Variants in ABCC12 observed in about 807,000 individuals in gnomAD.
The protein encoded by ABCC12 is ATP-binding cassette sub-family C member 12.
In ABCC12, 142 loss-of-function variants were observed where a neutral mutation model predicts 151.1. That is an observed-to-expected ratio of 0.94 (90% CI 0.82 to 1.08). The LOEUF (loss-of-function observed/expected upper bound fraction) is 1.08. ABCC12 is among the 50% of genes least tolerant of loss of function. The probability of loss-of-function intolerance (pLI) is 0.00; values close to 1 mark genes in which losing one functional copy is unlikely to be tolerated. For synonymous variants in ABCC12, 645 were observed against 646.4 expected (o/e 1.00, Z 0.03); for missense variants, 1,638 against 1,691.1 (o/e 0.97, Z 0.55).
At chr16:48,095,580 T>A (rs1013706997) in intron 24 of ABCC12, among the ~76,000 whole-genome samples, 2 of 151,684 alleles carry the variant, frequency 1.3e-5, no homozygotes, top group Non-Finnish European at 1.5e-5. Flanking sequence ...AAGGAATAGC[T>A]GAATGGCAAA....
Position 48,082,235 on chromosome 16 carries a change from G to A in ABCC12, c.*1480C>T, listed in dbSNP as rs544923680. On this transcript the variant is annotated 3_prime_UTR_variant, in exon 31 of 31. Coordinates refer to ENST00000311303, the MANE Select transcript of ABCC12 (RefSeq NM_001393797.1). Reference sequence around the variant, plus strand: ...TGAGGGCAGGATCCATTGCTGCCAAGCTGCTGGGCCAGGGCTTTCATGCAG... The same window carrying A: ...TGAGGGCAGGATCCATTGCTGCCAAACTGCTGGGCCAGGGCTTTCATGCAG... Among the ~76,000 whole-genome samples, 2 of 152,336 alleles carry A rather than the reference G, an allele frequency of 1.3e-5. No homozygotes were observed. Among genetic ancestry groups the A allele is most frequent in the South Asian group, 4.1e-4 (2 of 4,826 alleles).
At position 48,111,791 on chromosome 16, in the gene ABCC12, T is replaced by C; in HGVS notation, c.2109A>G (p.Arg703=). The change falls in exon 16 of 31, where the codon CGA becomes CGG. Residue 703 remains arginine, a synonymous_variant. Coordinates refer to ENST00000311303, the MANE Select transcript of ABCC12 (RefSeq NM_001393797.1). ...TGTGAGTTACCTTGAACTGCAATCCTCGCAGGTTGTGAATCAGTTTTGCAT... is the reference window on the plus strand; with the variant it reads ...TGTGAGTTACCTTGAACTGCAATCCCCGCAGGTTGTGAATCAGTTTTGCAT... The part of the protein sequence containing the change: ...GRYAKLIHNL[R]GLQFKDPEHL... The C allele has an allele frequency of 6.2e-7, 1 of 1,614,182 alleles. No homozygotes were observed. Among genetic ancestry groups the C allele is most frequent in the South Asian group, 1.1e-5 (1 of 91,086 alleles).
At chr16:48,146,863 GCACACATGCA>G (rs987815375) in intron 2 of ABCC12, 7 of 200,736 alleles carry the variant, frequency 3.5e-5, no homozygotes, top group Admixed American at 1.1e-4. Context: ...ACATGCACAT[GCACACATGCA>G]CACACATGCA....
chr16:48,140,854 C>T lies in ABCC12; in HGVS notation c.490G>A (p.Gly164Arg). ...RTSGKVWVGI[G>R]LCIALFATEF... is the part of the protein sequence containing the mutation. ...GTGGCAAAAAGGGCTATGCACAGTC[C>T]AATGCCAACCCAGACTTTCCCAGAG... Residue 164 changes from glycine (G) to arginine (R), a missense_variant, in exon 6 of 31, where the codon GGA (glycine) becomes AGA (arginine). By Grantham distance (125) the Gly-to-Arg change is moderately radical. Coordinates refer to ENST00000311303, the MANE Select transcript of ABCC12 (RefSeq NM_001393797.1). 2 of 1,614,132 alleles carry T rather than the reference C, an allele frequency of 1.2e-6. No homozygotes were observed. The highest frequency in any genetic ancestry group is 2.7e-5 in the African/African-American group (2 of 75,032).
chr16:48,088,468 G>T, intron 26 of ABCC12, 77 bp downstream of exon 26: 1 of 1,491,228 alleles, frequency 6.7e-7, no homozygotes, highest in Non-Finnish European at 9.1e-7. Context: ...TCACTCTCTG[G>T]TGTGACTTAA....
At chr16:48,124,387 G>A (rs761430679) in intron 11 of ABCC12, 103 bp from the exon 12 acceptor site, 4 of 1,126,112 alleles carry the variant, frequency 3.6e-6, no homozygotes, top group Non-Finnish European at 5.4e-6. Flanking sequence ...GCCAGGCGGA[G>A]AACAAGGGGT....
At chr16:48,135,253 G>GC (rs1402785726) in intron 8 of ABCC12, among the ~76,000 whole-genome samples, 2 of 152,078 alleles carry the variant, frequency 1.3e-5, no homozygotes, top group Non-Finnish European at 2.9e-5. Context: ...GCAAATAAAG[G>GC]CCCTCCTTTC....
chr16:48,101,537 GT>G (rs1963308390), intron 22 of ABCC12, among the ~76,000 whole-genome samples: 1 of 152,130 alleles, frequency 6.6e-6, no homozygotes, highest in Admixed American at 6.5e-5. Flanking sequence ...AGGAGCCCTG[GT>G]GAGCAGGAGA....
chr16:48,089,585 C>T (rs1962792857), intron 25 of ABCC12, among the ~76,000 whole-genome samples: 1 of 152,190 alleles, frequency 6.6e-6, no homozygotes, highest in Non-Finnish European at 1.5e-5. Context: ...CCGTGTGCCC[C>T]ATCAGGATGG....
chr16:48,117,302 G>A lies in ABCC12; in HGVS notation c.1744C>T (p.Gln582Ter). 6.2e-7 allele frequency: 1 copy of A among 1,613,892 alleles called. No individual in the cohort carries two copies. The highest frequency in any genetic ancestry group is 2.2e-5 in the East Asian group (1 of 44,870). The change falls in exon 14 of 31, where the codon CAG becomes TAG. Residue 582 changes from glutamine (Q) to a stop codon, truncating the protein, a stop_gained. Coordinates refer to ENST00000311303, the MANE Select transcript of ABCC12 (RefSeq NM_001393797.1). LOFTEE classifies it high-confidence loss of function. ...YQHTVRVCGLQKDLSNLPYGD... is the reference protein window; with the variant it reads ...YQHTVRVCGL Reference sequence around the variant, plus strand: ...TAGGGGAGGTTGCTCAGGTCCTTCTGGAGGCCACAGACGCGGACTGTGTGC... The same window carrying A: ...TAGGGGAGGTTGCTCAGGTCCTTCTAGAGGCCACAGACGCGGACTGTGTGC...
chr16:48,139,283 A>G lies in ABCC12; in HGVS notation c.711T>C (p.Phe237=), dbSNP rs1216608367. 4 of 1,613,864 alleles carry G rather than the reference A, an allele frequency of 2.5e-6. No individual in the cohort carries two copies. The African/African-American group carries it at 4.0e-5, about 16-fold the overall frequency. ...TCGGGATGGTGGCTGGCAAAGGACAAAACAAGGCAGCTTCAAACAAAGAAT... is the reference window on the plus strand; with the variant it reads ...TCGGGATGGTGGCTGGCAAAGGACAGAACAAGGCAGCTTCAAACAAAGAAT... ...DSYSLFEAAL[F]CPLPATIPIL... The change falls in exon 7 of 31, where the codon TTT becomes TTC. Residue 237 remains phenylalanine (F), a synonymous_variant. Coordinates refer to ENST00000311303, the MANE Select transcript of ABCC12 (RefSeq NM_001393797.1).
chr16:48,115,322 C>T (rs1597312837), intron 15 of ABCC12, 93 bp downstream of exon 15: 1 of 1,376,128 alleles, frequency 7.3e-7, no homozygotes. Flanking sequence ...CAGCTGAAGA[C>T]AGGCAGATAT....
intron 8 of ABCC12, among the ~76,000 whole-genome samples, chr16:48,137,891 T>C (rs919238491): frequency 1.3e-5 from 2 of 152,180 alleles, no homozygotes; most frequent in Non-Finnish European, 1.5e-5. Context: ...TGTGTGTAGA[T>C]GTCTTCTAAG....
chr16:48,097,037 A>T, intron 23 of ABCC12, 135 bp from the exon 24 acceptor site: 1 of 980,636 alleles, frequency 1.0e-6, no homozygotes, highest in Non-Finnish European at 1.6e-6. Context: ...TCAAGGGAAC[A>T]CACTCTCACA....
At position 48,084,003 on chromosome 16, in the gene ABCC12, T is replaced by C. The variant is rs1394344030; in HGVS notation, c.3899A>G (p.Lys1300Arg). ...CACAGTGCAGCCCTTGAAGGCATCT[T>C]TGATGGTGTTCTGAACCAGGGTGTC... ...KTDTLVQNTI[K>R]DAFKGCTVLT... Residue 1300 changes from lysine (K) to arginine (R), a missense_variant, in exon 30 of 31, where the codon AAA (lysine) becomes AGA (arginine). Lys to Arg is a conservative substitution (Grantham distance 26). Transcript: ENST00000311303. The C allele has an allele frequency of 6.2e-7, 1 of 1,612,732 alleles. No homozygotes were observed. Among genetic ancestry groups the C allele is most frequent in the Middle Eastern group, 1.7e-4 (1 of 6,054 alleles).
chr16:48,146,204 A>T, intron 3 of ABCC12, 102 bp downstream of exon 3: 1 of 1,005,606 alleles, frequency 9.9e-7, no homozygotes, highest in Non-Finnish European at 1.6e-6. Context: ...AAGGACGAGC[A>T]GATAGAGCAG....
chr16:48,108,552 C>T (rs773447042), intron 18 of ABCC12, 23 bp from the exon 19 acceptor site: 7 of 1,609,800 alleles, frequency 4.3e-6, no homozygotes, highest in Non-Finnish European at 5.1e-6. Flanking sequence ...ACACAAGTGC[C>T]ATGGCTCTCA....
intron 24 of ABCC12, among the ~76,000 whole-genome samples, chr16:48,095,885 A>T (rs2150592865): frequency 6.6e-6 from 1 of 152,330 alleles, no homozygotes; most frequent in South Asian, 2.1e-4. Flanking sequence ...ACTAAGAATA[A>T]GGACTATGTC....
At chr16:48,120,748 G>T (rs1964041296) in intron 13 of ABCC12, among the ~76,000 whole-genome samples, 2 of 151,948 alleles carry the variant, frequency 1.3e-5, no homozygotes, top group South Asian at 4.2e-4. Context: ...TAGAGACAGG[G>T]TTTCACCATG....
Sources: allele counts gnomAD v4.1 joint callset (sites outside exome capture counted in the v4.1 genomes callset), GRCh38; gene constraint gnomAD v4.1.1; transcripts MANE v1.5; gene names NCBI Gene and HGNC (gene_info 2026-07-23, HGNC 2026-07-21).